The following CACNA2D4 variants were observed in gnomAD, a reference collection of about 807,000 sequenced individuals.
CACNA2D4 encodes calcium voltage-gated channel auxiliary subunit alpha2delta 4, also known as voltage-dependent calcium channel subunit alpha-2/delta-4.
CACNA2D4 carries 157 observed loss-of-function variants against 163.8 expected under a neutral mutation model. That is an observed-to-expected ratio of 0.96 (90% CI 0.84 to 1.09). The LOEUF (loss-of-function observed/expected upper bound fraction) is 1.09. Ranked by LOEUF, CACNA2D4 falls within the 50% of genes least tolerant of loss-of-function variation. The probability of loss-of-function intolerance (pLI) is 0.00; values close to 1 mark genes in which losing one functional copy is unlikely to be tolerated. For missense variants in CACNA2D4, 1,410 were observed against 1,479.9 expected, an observed-to-expected ratio of 0.95 and a Z score of 0.78; for synonymous variants, 598 against 586.9, an observed-to-expected ratio of 1.02 and a Z score of -0.27.
chr12:1,808,772 G>T (rs1863620476), intron 29 of CACNA2D4, among the ~76,000 whole-genome samples: 1 of 152,228 alleles, frequency 6.6e-6, no homozygotes, highest in African/African-American at 2.4e-5. Context: ...GAATGAGGGG[G>T]CATCAGTGAT....
chr12:1,908,230 C>T (rs906647318), intron 4 of CACNA2D4, among the ~76,000 whole-genome samples, 193 bp from the exon 5 acceptor site: 1 of 152,212 alleles, frequency 6.6e-6, no homozygotes, highest in Non-Finnish European at 1.5e-5. Flanking sequence ...AGGAGGCCGG[C>T]GCGGAGAGGC....
intron 6 of CACNA2D4, among the ~76,000 whole-genome samples, chr12:1,899,878 A>G (rs2154450947): frequency 6.6e-6 from 1 of 152,324 alleles, no homozygotes; most frequent in Middle Eastern, 3.4e-3. Flanking sequence ...CCTAAACAAA[A>G]TATTAATAAA....
At chr12:1,886,110 G>A in intron 8 of CACNA2D4, 71 bp from the exon 9 acceptor site, 8 of 1,538,294 alleles carry the variant, frequency 5.2e-6, no homozygotes, top group Middle Eastern at 1.7e-4. Flanking sequence ...TCCAGGCCCA[G>A]CAAAGACACT....
At chr12:1,795,500 C>A in intron 36 of CACNA2D4, 119 bp from the exon 37 acceptor site, 2 of 1,035,714 alleles carry the variant, frequency 1.9e-6, no homozygotes, top group South Asian at 1.3e-5. Context: ...GCTTTAGGGT[C>A]AGGAGGCAGC....
chr12:1,910,536 G>T (rs757766090), intron 3 of CACNA2D4, among the ~76,000 whole-genome samples: 2 of 152,154 alleles, frequency 1.3e-5, no homozygotes, highest in African/African-American at 2.4e-5. Context: ...ACCTAAAATG[G>T]CTCTTAAAAA....
intron 18 of CACNA2D4, among the ~76,000 whole-genome samples, chr12:1,860,750 C>T (rs865776858): frequency 1.1e-4 from 17 of 152,276 alleles, no homozygotes; most frequent in African/African-American, 3.8e-4. Flanking sequence ...CACTGTCATC[C>T]ATGCCCGGGC....
At chr12:1,826,088 G>A (rs1309166596) in intron 26 of CACNA2D4, among the ~76,000 whole-genome samples, 2 of 152,132 alleles carry the variant, frequency 1.3e-5, no homozygotes, top group Admixed American at 1.3e-4. Flanking sequence ...ACCTCACAGG[G>A]GAGGTTGGTG....
intron 6 of CACNA2D4, among the ~76,000 whole-genome samples, chr12:1,889,804 A>G (rs1394349043): frequency 6.6e-6 from 1 of 152,220 alleles, no homozygotes; most frequent in African/African-American, 2.4e-5. Context: ...AAGAAAATAT[A>G]AAAACACCAG....
rs2058111 is a variant in CACNA2D4, at chr12:1,793,600, T to G, written c.*55A>C. 795,934 of 1,504,018 alleles carry G rather than the reference T, an allele frequency of 0.53. 216,354 individuals carry two copies. The highest frequency in any genetic ancestry group is 0.56 in the Non-Finnish European group (606,802 of 1,080,716). The allele number at this position is 1,504,018 out of a possible 1,614,324, so 93.2% of individuals were successfully genotyped here. A position where few individuals can be genotyped will look rare whatever the true frequency, so the allele number is the denominator to read the frequency against. On this transcript the variant is annotated 3_prime_UTR_variant, in exon 38 of 38. Transcript: ENST00000382722. ...TGCATCCCATGTCAGTGCTGACTTT[T>G]TGGGATGGCTCTGGAAGGATCACCT...
chr12:1,915,221 C>T (rs551530767), intron 1 of CACNA2D4: 2 of 702,660 alleles, frequency 2.8e-6, no homozygotes, highest in African/African-American at 3.5e-5. Context: ...CCTAAAGCTA[C>T]AGCCATGGCC....
chr12:1,814,437 G>C (rs1482368866), intron 26 of CACNA2D4, among the ~76,000 whole-genome samples: 1 of 152,190 alleles, frequency 6.6e-6, no homozygotes, highest in East Asian at 1.9e-4. Context: ...ATCTGCCCTT[G>C]GGTCACAGAG....
intron 13 of CACNA2D4, among the ~76,000 whole-genome samples, chr12:1,881,161 G>A (rs1865987317): frequency 1.3e-5 from 2 of 152,214 alleles, no homozygotes; most frequent in Admixed American, 1.3e-4. Context: ...GGAGATGTAG[G>A]GACTGGTTGC....
chr12:1,809,226 C>G (rs965603912), intron 29 of CACNA2D4, among the ~76,000 whole-genome samples: 3 of 152,212 alleles, frequency 2.0e-5, no homozygotes, highest in Non-Finnish European at 2.9e-5. Context: ...AGCCGCATCC[C>G]GGTCAGGCCA....
intron 3 of CACNA2D4, 24 bp from the exon 4 acceptor site, chr12:1,909,989 A>G: frequency 1.2e-6 from 2 of 1,609,270 alleles, no homozygotes; most frequent in Non-Finnish European, 1.7e-6. Flanking sequence ...ACACAGAGGT[A>G]GGGAGAATGG....
chr12:1,851,755 C>A (rs565614654), intron 23 of CACNA2D4, among the ~76,000 whole-genome samples: 1 of 140,554 alleles, frequency 7.1e-6, no homozygotes, highest in Non-Finnish European at 1.5e-5. Context: ...ATCAGTTTAT[C>A]TAGATGCAGA....
In CACNA2D4 at chr12:1,874,932, A is replaced by T. The variant is rs926963797; in HGVS notation, c.1807-257T>A. ...CAGAGTGCCAAGTTGCTGGGACATA[A>T]TTTCCTCTAGGACGAGATATTGCAA... On this transcript the variant is annotated intron_variant, in intron 17 of 37. Transcript: ENST00000382722. The surrounding 1 kb of genome is among the most constrained non-coding windows in gnomAD (Gnocchi z 4.4). Among the ~76,000 whole-genome samples the T allele has an allele frequency of 6.6e-6, 1 of 152,204 alleles. No individual in the cohort carries two copies. Among genetic ancestry groups the T allele is most frequent in the Non-Finnish European group, 1.5e-5 (1 of 68,040 alleles).
chr12:1,808,869 C>G (rs956314890), intron 29 of CACNA2D4, among the ~76,000 whole-genome samples: 4 of 152,166 alleles, frequency 2.6e-5, no homozygotes, highest in African/African-American at 9.7e-5. Context: ...AGGTCCGGTG[C>G]TCTGTCTGGG....
In CACNA2D4 at chr12:1,798,210, A is replaced by G. The variant is rs114674211; in HGVS notation, c.2996-675T>C. Among the ~76,000 whole-genome samples the G allele has an allele frequency of 0.029, 4,353 of 152,278 alleles. 61 individuals carry two copies. Among genetic ancestry groups the G allele is most frequent in the Middle Eastern group, 0.082 (24 of 294 alleles). ...GGCGAGTGCCTCAGCCCCGCTCTGC[A>G]GGACCCGAGTCCGTTCCCTCCCGGA... On this transcript the variant is annotated intron_variant, in intron 34 of 37. Transcript: ENST00000382722. The surrounding 1 kb of genome is among the most constrained non-coding windows in gnomAD (Gnocchi z 4.3).
chr12:1,907,592 T>C, intron 5 of CACNA2D4, 21 bp from the exon 6 acceptor site: 1 of 1,607,048 alleles, frequency 6.2e-7, no homozygotes, highest in South Asian at 1.1e-5. Context: ...AGACTATAGA[T>C]TATGATCCTG....
Sources: allele counts gnomAD v4.1 joint callset (sites outside exome capture counted in the v4.1 genomes callset), GRCh38; gene constraint gnomAD v4.1.1; non-coding constraint Gnocchi (gnomAD v3.1); transcripts MANE v1.5; gene names NCBI Gene and HGNC (gene_info 2026-07-23, HGNC 2026-07-21).